The following CPED1 variants were observed in gnomAD, a reference collection of about 807,000 sequenced individuals.
CPED1 encodes cadherin like and PC-esterase domain containing 1.
In CPED1, 114 loss-of-function variants were observed where a neutral mutation model predicts 128.2. That is an observed-to-expected ratio of 0.89 (90% CI 0.76 to 1.04). CPED1 has a LOEUF of 1.04. CPED1 is among the 50% of genes least tolerant of loss of function. The probability of loss-of-function intolerance (pLI) is 0.00; values close to 1 mark genes in which losing one functional copy is unlikely to be tolerated. For missense variants in CPED1, 1,211 were observed against 1,207.1 expected, an observed-to-expected ratio of 1.00 and a Z score of -0.05; for synonymous variants, 462 against 426.7, an observed-to-expected ratio of 1.08 and a Z score of -1.02.
At chr7:121,224,491 T>C (rs543202471) in intron 16 of CPED1, among the ~76,000 whole-genome samples, 79 of 152,308 alleles carry the variant, frequency 5.2e-4, no homozygotes, top group Non-Finnish European at 9.0e-4. Context: ...GGTGCAGAGC[T>C]GAGTTCAAGT....
intron 5 of CPED1, among the ~76,000 whole-genome samples, chr7:121,084,575 G>C (rs1435483431): frequency 6.6e-6 from 1 of 152,180 alleles, no homozygotes; most frequent in East Asian, 1.9e-4. Context: ...AACAGCTCTG[G>C]AGAAAGTCAC....
At chr7:120,998,604 A>G (rs905265520) in intron 2 of CPED1, among the ~76,000 whole-genome samples, 1 of 152,168 alleles carries the variant, frequency 6.6e-6, no homozygotes, top group African/African-American at 2.4e-5. Flanking sequence ...GTGAGCAATA[A>G]ATAATTGCTG....
chr7:121,236,601 T>C (rs1798260267), intron 16 of CPED1, 113 bp from the exon 17 acceptor site: 1 of 525,528 alleles, frequency 1.9e-6, no homozygotes, highest in Non-Finnish European at 3.3e-6. Flanking sequence ...AAGGAATATT[T>C]GCTCCCTTTT....
chr7:121,247,832 C>G (rs1336549800), intron 18 of CPED1, among the ~76,000 whole-genome samples: 3 of 152,146 alleles, frequency 2.0e-5, no homozygotes, highest in Admixed American at 1.3e-4. Context: ...CCAAGTTTCC[C>G]TATCTCCCTC....
chr7:121,140,661 A>G (rs886799265), intron 14 of CPED1, among the ~76,000 whole-genome samples, 166 bp from the exon 15 acceptor site: 3 of 152,202 alleles, frequency 2.0e-5, no homozygotes, highest in Non-Finnish European at 4.4e-5. Flanking sequence ...TTGAAAAGCC[A>G]GCTGCAGCCA....
chr7:121,116,941 A>ACT (rs200040453), intron 7 of CPED1, among the ~76,000 whole-genome samples: 23 of 129,474 alleles, frequency 1.8e-4, no homozygotes, highest in African/African-American at 5.6e-4. Context: ...CAACATAGAA[A>ACT]CTCTCTCTCT....
intron 3 of CPED1, among the ~76,000 whole-genome samples, chr7:121,043,295 G>A (rs913465953): frequency 3.3e-5 from 5 of 152,100 alleles, no homozygotes; most frequent in African/African-American, 1.2e-4. Flanking sequence ...ATTTTTCCAG[G>A]CTCTGAAAGG....
chr7:121,219,444 A>G (rs904691549), intron 16 of CPED1, among the ~76,000 whole-genome samples: 7 of 152,064 alleles, frequency 4.6e-5, no homozygotes, highest in African/African-American at 1.7e-4. Flanking sequence ...AAAACTTTAT[A>G]TTAGCTCAGA....
At chr7:121,067,576 G>A (rs1175924901) in intron 5 of CPED1, among the ~76,000 whole-genome samples, 2 of 152,146 alleles carry the variant, frequency 1.3e-5, no homozygotes, top group African/African-American at 4.8e-5. Context: ...AAAAACATAC[G>A]TGTGCATATG....
At chr7:121,129,802 C>T (rs912808368) in intron 11 of CPED1, among the ~76,000 whole-genome samples, 1 of 151,738 alleles carries the variant, frequency 6.6e-6, no homozygotes, top group African/African-American at 2.4e-5. Flanking sequence ...ACCCAAGAGG[C>T]TCTCTCATTC....
chr7:121,024,521 C>G (rs1018496209), intron 3 of CPED1, among the ~76,000 whole-genome samples: 10 of 152,082 alleles, frequency 6.6e-5, no homozygotes, highest in African/African-American at 1.2e-4. Flanking sequence ...TCATAGAAAC[C>G]AGACTGGGTA....
At chr7:121,266,923 G>C (rs1180680520) in intron 20 of CPED1, 115 bp downstream of exon 20, 9 of 737,264 alleles carry the variant, frequency 1.2e-5, no homozygotes, top group Non-Finnish European at 2.1e-5. Context: ...TTATCATTAA[G>C]TACTTAAAGT....
intron 16 of CPED1, among the ~76,000 whole-genome samples, chr7:121,187,094 T>C (rs1797020391): frequency 6.6e-6 from 1 of 152,242 alleles, no homozygotes; most frequent in Non-Finnish European, 1.5e-5. Context: ...ACATGATTTT[T>C]CTCTCCTGCT....
intron 21 of CPED1, 104 bp from the exon 22 acceptor site, chr7:121,271,180 C>A: frequency 1.1e-6 from 1 of 874,762 alleles, no homozygotes; most frequent in Non-Finnish European, 1.7e-6. Flanking sequence ...TACACTATGA[C>A]TAATCCCAGT....
intron 12 of CPED1, among the ~76,000 whole-genome samples, chr7:121,131,487 T>G (rs1795662499): frequency 6.6e-6 from 1 of 151,424 alleles, no homozygotes; most frequent in African/African-American, 2.4e-5. Context: ...GGAAGCTGTT[T>G]CAAAGTTTTT....
At chr7:121,141,919 C>T in intron 15 of CPED1, 54 bp from the exon 16 acceptor site, 4 of 1,435,028 alleles carry the variant, frequency 2.8e-6, no homozygotes, top group Non-Finnish European at 3.9e-6. Context: ...TCAGTTTGGG[C>T]TGAATAAATC....
At chr7:121,202,617 AC>A (rs1166451567) in intron 16 of CPED1, among the ~76,000 whole-genome samples, 3 of 152,062 alleles carry the variant, frequency 2.0e-5, no homozygotes, top group Admixed American at 1.3e-4. Flanking sequence ...ATCTCAGTTG[AC>A]CCTCCCAGTA....
At chr7:121,187,653 T>C (rs1451000349) in intron 16 of CPED1, among the ~76,000 whole-genome samples, 1 of 152,142 alleles carries the variant, frequency 6.6e-6, no homozygotes, top group African/African-American at 2.4e-5. Flanking sequence ...GTAAACACTC[T>C]AGGTCTTTCA....
intron 2 of CPED1, among the ~76,000 whole-genome samples, chr7:120,993,645 A>G (rs994744689): frequency 6.6e-6 from 1 of 152,218 alleles, no homozygotes; most frequent in Non-Finnish European, 1.5e-5. Flanking sequence ...CTAGAAATAG[A>G]ACTGGAGGCA....
Sources: gnomAD v4.1 joint callset for allele counts (sites outside exome capture counted in the v4.1 genomes callset) on GRCh38, gnomAD v4.1.1 for gene constraint, MANE v1.5 for transcripts, NCBI Gene and HGNC (gene_info 2026-07-23, HGNC 2026-07-21) for gene names.